ANKS1B: variants seen among roughly 807,000 people sequenced by gnomAD.
ANKS1B encodes the protein ankyrin repeat and sterile alpha motif domain-containing protein 1B.
A neutral mutation model predicts 148.3 loss-of-function variants in ANKS1B; 36 were observed. The observed-to-expected ratio is 0.24, with a 90% CI of 0.19 to 0.32. ANKS1B has a LOEUF of 0.32. Among genes scored for constraint, ANKS1B ranks in the 10% least tolerant of loss-of-function variants. The pLI, the probability that ANKS1B is intolerant of heterozygous loss-of-function variation, is 1.00. For synonymous variants in ANKS1B, 542 were observed against 560.8 expected (o/e 0.97, Z 0.47); for missense variants, 1,157 against 1,542.6 (o/e 0.75, Z 4.19).
chr12:98,760,764 T>C (rs1268459120), intron 25 of ANKS1B, among the ~76,000 whole-genome samples: 1 of 152,248 alleles, frequency 6.6e-6, no homozygotes, highest in East Asian at 1.9e-4. Context: ...AAGTGCGGAA[T>C]TGACCCTTTA....
chr12:99,254,731 G>C (rs377591531), intron 12 of ANKS1B, among the ~76,000 whole-genome samples: 2 of 152,290 alleles, frequency 1.3e-5, no homozygotes, highest in Admixed American at 6.5e-5. Context: ...ACTAGATATT[G>C]AGTTTATAAA....
intron 3 of ANKS1B, among the ~76,000 whole-genome samples, chr12:99,810,178 T>A (rs2068157440): frequency 6.6e-6 from 1 of 151,978 alleles, no homozygotes; most frequent in Non-Finnish European, 1.5e-5. Flanking sequence ...AGTTGTTTAG[T>A]TTTACAGAGC....
At chr12:99,648,557 T>C (rs2098395506) in intron 9 of ANKS1B, 1 of 1,613,962 alleles carries the variant, frequency 6.2e-7, no homozygotes. Context: ...TTTGTGAAAA[T>C]AACCATCCAC....
intron 12 of ANKS1B, among the ~76,000 whole-genome samples, chr12:99,392,337 A>G (rs2094103958): frequency 6.6e-6 from 1 of 152,242 alleles, no homozygotes; most frequent in Admixed American, 6.5e-5. Flanking sequence ...CACCCTCTCC[A>G]TTCTAATTTT....
intron 17 of ANKS1B, among the ~76,000 whole-genome samples, chr12:98,858,310 A>G (rs947311879): frequency 2.6e-5 from 4 of 152,330 alleles, no homozygotes; most frequent in Non-Finnish European, 4.4e-5. Context: ...TCAGAGGAAA[A>G]GCTGGTCAGA....
chr12:99,917,024 T>C (rs979467935), intron 1 of ANKS1B, among the ~76,000 whole-genome samples: 1 of 152,096 alleles, frequency 6.6e-6, no homozygotes, highest in African/African-American at 2.4e-5. Flanking sequence ...ACATGATCAG[T>C]TTGAGTAGCA....
intron 24 of ANKS1B, among the ~76,000 whole-genome samples, chr12:98,778,762 C>T (rs2098705305): frequency 6.6e-6 from 1 of 152,180 alleles, no homozygotes; most frequent in African/African-American, 2.4e-5. Context: ...CAGTCTTACC[C>T]AGTCAAACTC....
intron 22 of ANKS1B, among the ~76,000 whole-genome samples, chr12:98,790,277 A>G (rs2098836421): frequency 6.6e-6 from 1 of 152,112 alleles, no homozygotes; most frequent in Non-Finnish European, 1.5e-5. Context: ...TCAGCAAATG[A>G]GAGTACAGGG....
chr12:98,771,768 T>A (rs1220646034), intron 25 of ANKS1B, among the ~76,000 whole-genome samples: 1 of 152,208 alleles, frequency 6.6e-6, no homozygotes, highest in Non-Finnish European at 1.5e-5. Flanking sequence ...TGTGAGCCAC[T>A]GAGCCCAGCC....
intron 17 of ANKS1B, among the ~76,000 whole-genome samples, chr12:98,922,743 C>A (rs2099803141): frequency 6.6e-6 from 1 of 152,168 alleles, no homozygotes; most frequent in Non-Finnish European, 1.5e-5. Flanking sequence ...AGGCGATCCA[C>A]CCACCTCAGC....
At chr12:99,224,972 C>A (rs917249771) in intron 14 of ANKS1B, among the ~76,000 whole-genome samples, 1 of 152,038 alleles carries the variant, frequency 6.6e-6, no homozygotes, top group African/African-American at 2.4e-5. Flanking sequence ...ATACACAGAA[C>A]AGGTTAAATA....
rs531680576 is a variant in ANKS1B at position 99,928,868 on chromosome 12, T to C, written c.134+55236A>G. On this transcript the variant is annotated intron_variant, in intron 1 of 26. Coordinates refer to ENST00000683438, the MANE Select transcript of ANKS1B (RefSeq NM_001352186.2). ...ACTACGAAAGGGAATCAGATAATCC[T>C]AGAATAGGTAAGAGAGGAAAAGCAG... 2.0e-5 allele frequency among the ~76,000 whole-genome samples: 3 copies of C among 152,210 alleles called. No individual in the cohort carries two copies. In the East Asian group the frequency reaches 5.8e-4, roughly 29 times the overall value.
At chr12:98,989,052 C>G (rs2099925084) in intron 17 of ANKS1B, among the ~76,000 whole-genome samples, 1 of 152,132 alleles carries the variant, frequency 6.6e-6, no homozygotes, top group East Asian at 1.9e-4. Flanking sequence ...TTCTCACACT[C>G]TGTAGGTTGT....
chr12:99,514,122 C>T (rs185217009), intron 9 of ANKS1B, among the ~76,000 whole-genome samples: 1 of 151,706 alleles, frequency 6.6e-6, no homozygotes, highest in East Asian at 1.9e-4. Context: ...AAACGTAATC[C>T]CATTAGTTGA....
At chr12:99,876,299 T>C (rs1426470475) in intron 1 of ANKS1B, among the ~76,000 whole-genome samples, 1 of 152,048 alleles carries the variant, frequency 6.6e-6, no homozygotes, top group Non-Finnish European at 1.5e-5. Context: ...AACAGAAAAA[T>C]TGCACAAAGT....
At chr12:99,535,337 CTT>C (rs1478303786) in intron 9 of ANKS1B, among the ~76,000 whole-genome samples, 1 of 152,190 alleles carries the variant, frequency 6.6e-6, no homozygotes, top group Non-Finnish European at 1.5e-5. Context: ...TTGGTCCACT[CTT>C]GTTGTCCCAC....
intron 9 of ANKS1B, among the ~76,000 whole-genome samples, chr12:99,610,157 C>T (rs1240462109): frequency 6.6e-6 from 1 of 152,096 alleles, no homozygotes; most frequent in Non-Finnish European, 1.5e-5. Flanking sequence ...TTATGTGACA[C>T]AATAGCCTTC....
At chr12:99,284,837 A>G (rs932908485) in intron 12 of ANKS1B, among the ~76,000 whole-genome samples, 8 of 152,212 alleles carry the variant, frequency 5.3e-5, no homozygotes, top group Admixed American at 2.0e-4. Context: ...CTCTAACATC[A>G]TATTGAGTCA....
chr12:99,765,579 TAA>T (rs1391449321), intron 8 of ANKS1B, among the ~76,000 whole-genome samples: 2 of 152,244 alleles, frequency 1.3e-5, no homozygotes. Flanking sequence ...ATTTTTCATA[TAA>T]GTTCAATTAT....
Sources: gnomAD v4.1 joint callset for allele counts (sites outside exome capture counted in the v4.1 genomes callset) on GRCh38, gnomAD v4.1.1 for gene constraint, MANE v1.5 for transcripts, NCBI Gene and HGNC (gene_info 2026-07-23, HGNC 2026-07-21) for gene names.